Variants in VMP1 observed in about 807,000 individuals in gnomAD.
VMP1 encodes ectopic P-granules autophagy protein 3 homolog.
Under a neutral mutation model 56.0 loss-of-function variants are expected in VMP1, and 11 were observed. The ratio of observed to expected loss-of-function variants is 0.20; its 90% CI spans 0.12 to 0.32. The LOEUF is 0.32. Among genes scored for constraint, VMP1 ranks in the 10% least tolerant of loss-of-function variants. The pLI is 1.00. For synonymous variants in VMP1, 149 were observed against 165.0 expected (o/e 0.90, Z 0.74); for missense variants, 296 against 490.3 (o/e 0.60, Z 3.74).
chr17:59,737,218 C>A (rs2035049444), intron 3 of VMP1, among the ~76,000 whole-genome samples: 2 of 152,094 alleles, frequency 1.3e-5, no homozygotes, highest in Non-Finnish European at 2.9e-5. Flanking sequence ...TTAATAAGAT[C>A]AGGCTTTGGG....
At chr17:59,823,044 T>G (rs2038507727) in intron 10 of VMP1, among the ~76,000 whole-genome samples, 2 of 152,134 alleles carry the variant, frequency 1.3e-5, no homozygotes, top group Admixed American at 6.6e-5. Context: ...ATGATCATAC[T>G]ACTGCACTCC....
intron 10 of VMP1, among the ~76,000 whole-genome samples, chr17:59,823,573 C>A (rs1421885929): frequency 6.6e-6 from 1 of 151,618 alleles, no homozygotes; most frequent in East Asian, 1.9e-4. Context: ...CATGGTGAAA[C>A]CCAGTCTCTA....
At position 59,840,896 on chromosome 17, in the gene VMP1, T is replaced by G. The variant is rs1322875045; in HGVS notation, c.*985T>G. 1 of 154,454 alleles carries G rather than the reference T, an allele frequency of 6.5e-6. No homozygotes were observed. Among genetic ancestry groups the G allele is most frequent in the Non-Finnish European group, 1.4e-5 (1 of 69,262 alleles). 9.6% of individuals were successfully genotyped at this position (154,454 alleles called of 1,614,324 possible). On this transcript the variant is annotated 3_prime_UTR_variant, in exon 12 of 12. Transcript: ENST00000262291. Reference sequence around the variant, plus strand: ...ACCCATTTCTAAAAAAAAACCACACTCTGTCGTATCTGTGTTAATGTTTTC... The same window carrying G: ...ACCCATTTCTAAAAAAAAACCACACGCTGTCGTATCTGTGTTAATGTTTTC...
At chr17:59,797,166 C>T (rs562992897) in intron 7 of VMP1, among the ~76,000 whole-genome samples, 5 of 145,462 alleles carry the variant, frequency 3.4e-5, no homozygotes, top group Non-Finnish European at 6.0e-5. Context: ...ACCCCCCCCC[C>T]GTCTCTACTA....
rs1390536649 is a variant in VMP1, at chr17:59,839,870, C to G, written c.1180C>G (p.Arg394Gly). Residue 394 changes from arginine (R) to glycine (G), a missense_variant, in exon 12 of 12, where the codon CGA becomes GGA. Transcript: ENST00000262291. ...CTCCATGGCACAAAGTTATGCCAAA[C>G]GAATCCAGCAGCGGTTGAACTCAGA... ...INSMAQSYAKRIQQRLNSEEK... is the reference protein window; with the variant it reads ...INSMAQSYAKGIQQRLNSEEK... 1.2e-6 allele frequency: 2 copies of G among 1,612,398 alleles called. No individual in the cohort carries two copies. The highest frequency in any genetic ancestry group is 2.2e-5 in the East Asian group (1 of 44,836).
chr17:59,752,112 C>T (rs1204007120), intron 5 of VMP1, among the ~76,000 whole-genome samples: 1 of 152,208 alleles, frequency 6.6e-6, no homozygotes. Flanking sequence ...TGTATCCGGC[C>T]TCACTTTTTC....
At chr17:59,812,929 C>CA (rs1055555086) in intron 9 of VMP1, among the ~76,000 whole-genome samples, 9 of 151,690 alleles carry the variant, frequency 5.9e-5, no homozygotes, top group East Asian at 3.9e-4. Flanking sequence ...GACTCTGTCT[C>CA]AAAAAAAGAA....
chr17:59,818,012 G>T (rs1465338627), intron 10 of VMP1, among the ~76,000 whole-genome samples: 1 of 151,988 alleles, frequency 6.6e-6, no homozygotes, highest in East Asian at 1.9e-4. Flanking sequence ...ATAATTCTGG[G>T]TTTAAAAGAA....
At chr17:59,772,947 A>ATTTTTTT (rs1488990377) in intron 6 of VMP1, among the ~76,000 whole-genome samples, 2 of 70,588 alleles carry the variant, frequency 2.8e-5, no homozygotes, top group African/African-American at 1.1e-4. Flanking sequence ...ATACTGGTGA[A>ATTTTTTT]TTCTTTTTTT....
intron 6 of VMP1, among the ~76,000 whole-genome samples, chr17:59,767,623 A>G (rs2036278194): frequency 6.6e-6 from 1 of 152,190 alleles, no homozygotes; most frequent in African/African-American, 2.4e-5. Context: ...AACAAATGAA[A>G]ACCACTATCT....
chr17:59,713,996 G>A (rs371884281), intron 1 of VMP1, among the ~76,000 whole-genome samples: 11 of 146,716 alleles, frequency 7.5e-5, no homozygotes, highest in African/African-American at 2.8e-4. Context: ...AGCCAAGATC[G>A]TGCCACTGCA....
chr17:59,737,053 G>A (rs2143828447), intron 3 of VMP1, among the ~76,000 whole-genome samples: 1 of 152,168 alleles, frequency 6.6e-6, no homozygotes, highest in East Asian at 1.9e-4. Context: ...ATAAAAATAA[G>A]TAAATAAAGA....
At chr17:59,713,264 G>C (rs1266268314) in intron 1 of VMP1, among the ~76,000 whole-genome samples, 2 of 151,824 alleles carry the variant, frequency 1.3e-5, no homozygotes, top group East Asian at 3.9e-4. Context: ...GTTGGGGGAA[G>C]GAGGGAGGGA....
At chr17:59,806,513 C>T (rs1456249563) in intron 7 of VMP1, among the ~76,000 whole-genome samples, 3 of 151,686 alleles carry the variant, frequency 2.0e-5, no homozygotes, top group East Asian at 1.9e-4. Flanking sequence ...GTCAGGAGTT[C>T]GAGACCAGCC....
chr17:59,749,916 A>G (rs1283859139), intron 5 of VMP1, among the ~76,000 whole-genome samples: 1 of 152,240 alleles, frequency 6.6e-6, no homozygotes, highest in Non-Finnish European at 1.5e-5. Flanking sequence ...CCTAGGTTTT[A>G]CATGATCTCT....
chr17:59,727,672 T>C (rs2034661002), intron 1 of VMP1, among the ~76,000 whole-genome samples: 1 of 152,184 alleles, frequency 6.6e-6, no homozygotes, highest in East Asian at 1.9e-4. Context: ...GCATCACTGA[T>C]ACAATAACAA....
At position 59,801,246 on chromosome 17, in the gene VMP1, GTGTGTGTA is replaced by G. The variant is rs2037651291; in HGVS notation, c.715-7546_715-7539del. On this transcript the variant is annotated intron_variant, in intron 7 of 11. Coordinates refer to ENST00000262291, the MANE Select transcript of VMP1 (RefSeq NM_030938.5). ...ACTATACTATAGTTTTATCTTTTGT[GTGTGTGTA>G]TGTTGAAGGGGGAGATCATCTTGCT... Among the ~76,000 whole-genome samples the G allele has an allele frequency of 2.0e-5, 3 of 151,384 alleles. No homozygotes were observed. In the South Asian group the frequency reaches 6.3e-4, roughly 32 times the overall value.
chr17:59,741,622 T>A (rs1192274480), intron 5 of VMP1, among the ~76,000 whole-genome samples: 1 of 152,196 alleles, frequency 6.6e-6, no homozygotes, highest in Non-Finnish European at 1.5e-5. Context: ...ATATTTTATG[T>A]GTATTTAAGG....
intron 1 of VMP1, among the ~76,000 whole-genome samples, chr17:59,722,347 G>A (rs2034434018): frequency 6.6e-6 from 1 of 152,116 alleles, no homozygotes; most frequent in South Asian, 2.1e-4. Context: ...ATTTATATAG[G>A]CTAACTTCTG....
Sources: gnomAD v4.1 joint callset for allele counts (sites outside exome capture counted in the v4.1 genomes callset) on GRCh38, gnomAD v4.1.1 for gene constraint, MANE v1.5 for transcripts, NCBI Gene and HGNC (gene_info 2026-07-23, HGNC 2026-07-21) for gene names.